Variants in MYH15 observed in about 807,000 individuals in gnomAD.
The protein encoded by MYH15 is myosin-15.
In MYH15, 227 loss-of-function variants were observed where a neutral mutation model predicts 240.5. The observed-to-expected ratio is 0.94, with a 90% CI of 0.85 to 1.05. The LOEUF (loss-of-function observed/expected upper bound fraction) is 1.05. Among genes scored for constraint, MYH15 ranks in the 50% least tolerant of loss-of-function variants. MYH15 has a pLI of 0.00. For missense variants in MYH15, 2,217 were observed against 2,247.5 expected (o/e 0.99, Z 0.27); for synonymous variants, 785 against 796.7 (o/e 0.99, Z 0.25).
the MYH15 span, among the ~76,000 whole-genome samples, chr3:108,536,175 G>C: frequency 2.6e-5 from 4 of 152,294 alleles, no homozygotes; most frequent in East Asian, 7.7e-4. Flanking sequence ...TGAGGCAGAA[G>C]AATCACTTGA....
intron 4 of MYH15, 79 bp downstream of exon 4, chr3:108,500,039 T>C (rs1576271410): frequency 3.4e-6 from 5 of 1,459,798 alleles, no homozygotes; most frequent in Admixed American, 4.6e-5. Context: ...CTGCTCACAA[T>C]GCCTAAGTGC....
At chr3:108,389,992 G>A (rs1034249277) in intron 37 of MYH15, among the ~76,000 whole-genome samples, 2 of 152,168 alleles carry the variant, frequency 1.3e-5, no homozygotes, top group South Asian at 2.1e-4. Context: ...GAGGTGCAAC[G>A]TGAAGGGAGG....
intron 27 of MYH15, among the ~76,000 whole-genome samples, chr3:108,424,153 G>C (rs555690760): frequency 1.3e-5 from 2 of 152,330 alleles, no homozygotes; most frequent in Non-Finnish European, 2.9e-5. Flanking sequence ...GTAAGAAAAA[G>C]AGCCAAAGAC....
chr3:108,538,169 T>A, the MYH15 span, among the ~76,000 whole-genome samples: 3 of 152,196 alleles, frequency 2.0e-5, no homozygotes, highest in Non-Finnish European at 4.4e-5. Flanking sequence ...TTGTGTGGGA[T>A]CATTCATCCT....
intron 15 of MYH15, 132 bp downstream of exon 15, chr3:108,464,506 G>A: frequency 1.1e-6 from 1 of 926,746 alleles, no homozygotes; most frequent in Non-Finnish European, 1.6e-6. Flanking sequence ...CCTTTTTTGT[G>A]GAACTGAGAT....
intron 2 of MYH15, among the ~76,000 whole-genome samples, chr3:108,505,253 G>A (rs1366643143): frequency 6.6e-6 from 1 of 151,996 alleles, no homozygotes; most frequent in African/African-American, 2.4e-5. Context: ...AATCTTTGAT[G>A]GTAAGTGGAG....
Position 108,441,177 on chromosome 3 carries a change from C to T in MYH15, c.2739G>A (p.Glu913=). The T allele has an allele frequency of 6.2e-7, 1 of 1,614,144 alleles. No homozygotes were observed. The highest frequency in any genetic ancestry group is 8.5e-7 in the Non-Finnish European group (1 of 1,179,996). ...SKIQLEARVK[E]LSERVEEEEE... is the part of the protein sequence containing the mutation. ...CTTCTTCCTCCACCCTCTCCGACAGCTCCTTTACTCTGGCCTCCAGCTGGA... is the reference window on the plus strand; with the variant it reads ...CTTCTTCCTCCACCCTCTCCGACAGTTCCTTTACTCTGGCCTCCAGCTGGA... Residue 913 remains glutamate (E), a synonymous_variant, in exon 23 of 41, where the codon GAG becomes GAA. Coordinates refer to ENST00000693548, the MANE Select transcript of MYH15 (RefSeq NM_014981.3).
At chr3:108,510,315 G>A in intron 1 of MYH15, 128 bp downstream of exon 1, 1 of 1,246,298 alleles carries the variant, frequency 8.0e-7, no homozygotes, top group Non-Finnish European at 1.1e-6. Context: ...GTTTCCTAGA[G>A]GCTGATCATA....
chr3:108,460,940 G>A (rs2083066414), intron 16 of MYH15, among the ~76,000 whole-genome samples: 1 of 151,956 alleles, frequency 6.6e-6, no homozygotes, highest in African/African-American at 2.4e-5. Context: ...TAATTTTTAT[G>A]TTCTTCTTTC....
At chr3:108,481,214 T>C (rs1457970404) in intron 11 of MYH15, among the ~76,000 whole-genome samples, 1 of 152,234 alleles carries the variant, frequency 6.6e-6, no homozygotes, top group African/African-American at 2.4e-5. Context: ...ACATTTTTAT[T>C]TTAAAAAGTT....
chr3:108,389,938 T>C (rs948955141), intron 37 of MYH15, among the ~76,000 whole-genome samples: 4 of 152,114 alleles, frequency 2.6e-5, no homozygotes, highest in Admixed American at 1.3e-4. Flanking sequence ...ACCCCACCTC[T>C]TACTCCCCAC....
At chr3:108,399,405 C>T (rs2082487818) in intron 33 of MYH15, 138 bp from the exon 34 acceptor site, 2 of 728,078 alleles carry the variant, frequency 2.7e-6, no homozygotes, top group Non-Finnish European at 4.4e-6. Flanking sequence ...CAAAATGAGT[C>T]TAAGTGCTTT....
At chr3:108,453,852 C>G (rs2082996459) in intron 21 of MYH15, among the ~76,000 whole-genome samples, 154 bp downstream of exon 21, 1 of 152,192 alleles carries the variant, frequency 6.6e-6, no homozygotes, top group African/African-American at 2.4e-5. Flanking sequence ...CCTTTGCACT[C>G]TGTCCTTTTG....
upstream of MYH15, among the ~76,000 whole-genome samples, chr3:108,533,945 G>C (rs1424187093): frequency 6.6e-6 from 1 of 152,190 alleles, no homozygotes; most frequent in African/African-American, 2.4e-5. Flanking sequence ...TGAATCTATA[G>C]ATGAAGGGAA....
chr3:108,403,004 A>T (rs1334164236), intron 33 of MYH15, among the ~76,000 whole-genome samples: 1 of 152,206 alleles, frequency 6.6e-6, no homozygotes, highest in African/African-American at 2.4e-5. Flanking sequence ...CTATAACATT[A>T]TTTATTTATT....
Position 108,428,715 on chromosome 3 carries a change from T to A in MYH15, c.3479A>T (p.Glu1160Val). ...TCGGTGCAGCTTCTGGAATTTGGTT[T>A]CCTGTTTCTTAGTTATTTCCAGCTG... ...LAQLEITKKQ[E>V]TKFQKLHRDM... The change falls in exon 27 of 41, where the codon GAA becomes GTA. Residue 1160 changes from glutamate (E) to valine (V), a missense_variant. Glu to Val is a moderately radical substitution (Grantham distance 121). Transcript: ENST00000693548. The A allele has an allele frequency of 1.9e-6, 3 of 1,613,922 alleles. No homozygotes were observed. Among genetic ancestry groups the A allele is most frequent in the African/African-American group, 2.7e-5 (2 of 74,962 alleles).
chr3:108,422,301 T>G (rs1440599130), intron 27 of MYH15, among the ~76,000 whole-genome samples: 1 of 150,944 alleles, frequency 6.6e-6, no homozygotes, highest in South Asian at 2.1e-4. Context: ...CACTGTAACC[T>G]CCACTTCCCA....
chr3:108,521,599 T>C (rs1033963305), intron 1 of MYH15, among the ~76,000 whole-genome samples: 1 of 152,180 alleles, frequency 6.6e-6, no homozygotes, highest in Admixed American at 6.6e-5. Context: ...TAAGAAATGC[T>C]GAAGCAAGTA....
chr3:108,406,982 C>T (rs1227751306), intron 32 of MYH15, among the ~76,000 whole-genome samples: 1 of 152,060 alleles, frequency 6.6e-6, no homozygotes, highest in Non-Finnish European at 1.5e-5. Context: ...TCAAAAAGTC[C>T]CTTGCCAGGA....
Sources: allele counts gnomAD v4.1 joint callset (sites outside exome capture counted in the v4.1 genomes callset), GRCh38; gene constraint gnomAD v4.1.1; transcripts MANE v1.5; gene names NCBI Gene and HGNC (gene_info 2026-07-23, HGNC 2026-07-21).